The following TRHDE variants were observed in gnomAD, a reference collection of about 807,000 sequenced individuals.
The protein encoded by TRHDE is thyrotropin-releasing hormone-degrading ectoenzyme.
Under a neutral mutation model 125.7 loss-of-function variants are expected in TRHDE, and 72 were observed. The observed-to-expected ratio is 0.57, with a 90% CI of 0.47 to 0.70. The LOEUF (loss-of-function observed/expected upper bound fraction) is 0.70. Among genes scored for constraint, TRHDE ranks in the 30% least tolerant of loss-of-function variants. The pLI is 0.00. For missense variants in TRHDE, 1,110 were observed against 1,327.1 expected (o/e 0.84, Z 2.54); for synonymous variants, 509 against 509.1 (o/e 1.00, Z 0.00).
intron 12 of TRHDE, among the ~76,000 whole-genome samples, chr12:72,613,734 A>G (rs1238373767): frequency 6.6e-6 from 1 of 152,158 alleles, no homozygotes; most frequent in Non-Finnish European, 1.5e-5. Context: ...GCCTAAGTCA[A>G]GTTTGGGATC....
chr12:72,242,546 C>T (rs1878502752), intron 2 of TRHDE, among the ~76,000 whole-genome samples: 2 of 152,144 alleles, frequency 1.3e-5, no homozygotes, highest in Non-Finnish European at 2.9e-5. Flanking sequence ...GGTGCTGCTG[C>T]CATGACTGTT....
intron 12 of TRHDE, among the ~76,000 whole-genome samples, chr12:72,591,108 C>CT (rs1474615346): frequency 1.3e-5 from 2 of 152,238 alleles, no homozygotes; most frequent in East Asian, 3.9e-4. Flanking sequence ...GGAAGCTGCT[C>CT]TTTTTAAAAC....
chr12:72,177,605 A>T (rs904827181), intron 2 of TRHDE, among the ~76,000 whole-genome samples: 5 of 151,640 alleles, frequency 3.3e-5, no homozygotes, highest in South Asian at 2.1e-4. Flanking sequence ...CTAAAAGCCA[A>T]TTTTTTTTTC....
chr12:72,286,131 T>C (rs1879876708), intron 1 of TRHDE, among the ~76,000 whole-genome samples: 1 of 152,214 alleles, frequency 6.6e-6, no homozygotes, highest in Admixed American at 6.5e-5. Flanking sequence ...CAAGGTGGCA[T>C]AGCTAAGAAA....
At chr12:72,259,667 T>A (rs989928641) in intron 2 of TRHDE, among the ~76,000 whole-genome samples, 1 of 152,184 alleles carries the variant, frequency 6.6e-6, no homozygotes, top group Non-Finnish European at 1.5e-5. Context: ...CCTCTTTCCA[T>A]GTTTGTACCT....
In TRHDE at chr12:72,501,403, A is replaced by G. The variant is rs537444712; in HGVS notation, c.1722+1768A>G. Among the ~76,000 whole-genome samples the G allele has an allele frequency of 6.6e-5, 10 of 152,194 alleles. No homozygotes were observed. The East Asian group carries it at 1.9e-3, about 29-fold the overall frequency. The stretch of plus-strand genomic sequence containing the variant: ...TGCTAAAAGTTTTAATCAGAAATGG[A>G]TGTTGACTCAATTCAATGCTTTTCT... On this transcript the variant is annotated intron_variant, in intron 6 of 18. Coordinates refer to ENST00000261180, the MANE Select transcript of TRHDE (RefSeq NM_013381.3).
chr12:72,542,357 G>C lies in TRHDE; in HGVS notation c.1788+1G>C, dbSNP rs746593695. On this transcript the variant is annotated splice_donor_variant, in intron 7 of 18. Transcript: ENST00000261180. LOFTEE classifies it high-confidence loss of function. ...TTCAGTTTTCCAGAGGGGTTTGCAA[G>C]TAAGTAAAATGCTTTTTATTTTCTT... 5.0e-6 allele frequency: 8 copies of C among 1,601,486 alleles called. No individual in the cohort carries two copies. The highest frequency in any genetic ancestry group is 6.8e-6 in the Non-Finnish European group (8 of 1,172,222).
intron 2 of TRHDE, among the ~76,000 whole-genome samples, chr12:72,371,729 T>A: frequency 6.6e-6 from 1 of 152,150 alleles, no homozygotes; most frequent in Non-Finnish European, 1.5e-5. Context: ...ACTCATCCTT[T>A]TTTATGGCCG....
intron 6 of TRHDE, among the ~76,000 whole-genome samples, chr12:72,513,853 A>G (rs1878712331): frequency 6.6e-6 from 1 of 152,066 alleles, no homozygotes; most frequent in Non-Finnish European, 1.5e-5. Context: ...TAAAGCCAGG[A>G]CCTTAAAGAG....
intron 2 of TRHDE, among the ~76,000 whole-genome samples, chr12:72,224,114 C>G (rs760167311): frequency 1.6e-4 from 9 of 57,066 alleles, no homozygotes; most frequent in South Asian, 6.5e-4. Context: ...ATCTATCTAT[C>G]TATCTATCTA....
At chr12:72,178,452 C>T (rs1174488707) in intron 2 of TRHDE, among the ~76,000 whole-genome samples, 1 of 151,972 alleles carries the variant, frequency 6.6e-6, no homozygotes, top group African/African-American at 2.4e-5. Flanking sequence ...GCGCAATAGA[C>T]CAAACATTTT....
chr12:72,403,839 G>A (rs1025551555), intron 3 of TRHDE, among the ~76,000 whole-genome samples: 9 of 152,160 alleles, frequency 5.9e-5, no homozygotes, highest in African/African-American at 2.2e-4. Context: ...AGCATTACCA[G>A]GTCAGATTAT....
intron 2 of TRHDE, among the ~76,000 whole-genome samples, chr12:72,244,851 A>G (rs1003735368): frequency 2.0e-5 from 3 of 152,148 alleles, no homozygotes; most frequent in Admixed American, 1.3e-4. Flanking sequence ...TGGTATTTAA[A>G]TAGATTTCAC....
intron 2 of TRHDE, among the ~76,000 whole-genome samples, chr12:72,180,528 A>T (rs1013178488): frequency 6.6e-6 from 1 of 152,056 alleles, no homozygotes; most frequent in Admixed American, 6.6e-5. Context: ...TGGTCATTTT[A>T]GACCCTTGAG....
At chr12:72,644,112 C>A (rs1177735067) in intron 15 of TRHDE, among the ~76,000 whole-genome samples, 2 of 152,132 alleles carry the variant, frequency 1.3e-5, no homozygotes, top group African/African-American at 4.8e-5. Flanking sequence ...TGGGCATATT[C>A]CCTTAGTGAG....
At chr12:72,340,592 A>G (rs1565705047) in intron 2 of TRHDE, among the ~76,000 whole-genome samples, 1 of 152,068 alleles carries the variant, frequency 6.6e-6, no homozygotes. Flanking sequence ...TAGGGACTCA[A>G]CTTCACTCTA....
chr12:72,238,362 T>TATAC (rs1458549476), intron 2 of TRHDE, among the ~76,000 whole-genome samples: 3 of 78,480 alleles, frequency 3.8e-5, no homozygotes, highest in African/African-American at 1.4e-4. Context: ...TATATATATA[T>TATAC]ACACATACAT....
Position 72,243,015 on chromosome 12 carries a change from G to A in TRHDE, n.280-134980G>A, listed in dbSNP as rs149774776. ...CTAGGAGAGACACACAAGAAGAGAC[G>A]CTCTCTTTCTTCTACTTCTGAAGGC... On this transcript the variant is annotated intron_variant and non_coding_transcript_variant, in intron 2 of 4. Coordinates refer to the TRHDE transcript ENST00000548156. 9.2e-5 allele frequency among the ~76,000 whole-genome samples: 14 copies of A among 152,316 alleles called. No individual in the cohort carries two copies. The East Asian group carries it at 2.3e-3, about 25-fold the overall frequency.
chr12:72,662,013 A>G (rs898213993), intron 18 of TRHDE, among the ~76,000 whole-genome samples: 7 of 152,138 alleles, frequency 4.6e-5, no homozygotes, highest in African/African-American at 1.7e-4. Flanking sequence ...AAACTAAGCT[A>G]TCCATGAACT....
Sources: gnomAD v4.1 joint callset for allele counts (sites outside exome capture counted in the v4.1 genomes callset) on GRCh38, gnomAD v4.1.1 for gene constraint, MANE v1.5 for transcripts, NCBI Gene and HGNC (gene_info 2026-07-23, HGNC 2026-07-21) for gene names.